Variants in CD300LD observed in about 807,000 individuals in gnomAD.
CD300LD encodes CD300 molecule like family member d.
In CD300LD, 18 loss-of-function variants were observed where a neutral mutation model predicts 20.3. That is an observed-to-expected ratio of 0.89 (90% CI 0.61 to 1.32). CD300LD has a LOEUF of 1.32. Ranked by LOEUF, CD300LD falls within the 40% of genes most tolerant of loss-of-function variation. The pLI is 0.00. For synonymous variants in CD300LD, 104 were observed against 90.1 expected (o/e 1.15, Z -0.87); for missense variants, 195 against 226.6 (o/e 0.86, Z 0.90).
intron 2 of CD300LD, among the ~76,000 whole-genome samples, chr17:74,583,410 C>T (rs1302478051): frequency 6.6e-6 from 1 of 152,240 alleles, no homozygotes; most frequent in Admixed American, 6.5e-5. Context: ...AGCAAGAAGG[C>T]AGCCACCTGC....
intron 1 of CD300LD, 45 bp downstream of exon 1, chr17:74,592,118 C>A (rs372585810): frequency 6.2e-7 from 1 of 1,614,112 alleles, no homozygotes; most frequent in Admixed American, 1.7e-5. Context: ...TGTCTCCAAG[C>A]CAGCCGCTGT....
At chr17:74,582,139 T>A (rs1052390694) in intron 3 of CD300LD, 79 bp downstream of exon 3, 3 of 1,126,900 alleles carry the variant, frequency 2.7e-6, no homozygotes, top group Non-Finnish European at 3.9e-6. Context: ...CATGCTATTG[T>A]TGTATCTGGC....
intron 1 of CD300LD, among the ~76,000 whole-genome samples, chr17:74,589,118 C>T (rs1187733315): frequency 1.3e-5 from 2 of 152,216 alleles, no homozygotes; most frequent in East Asian, 1.9e-4. Flanking sequence ...TCTCTCTTTC[C>T]CTATGGCCAG....
intron 2 of CD300LD, among the ~76,000 whole-genome samples, chr17:74,587,874 G>T (rs1233881884): frequency 6.6e-6 from 1 of 151,198 alleles, no homozygotes; most frequent in Non-Finnish European, 1.5e-5. Flanking sequence ...TGCCTAGAAA[G>T]ACTTAATCCC....
chr17:74,585,298 C>T (rs909469263), intron 2 of CD300LD, among the ~76,000 whole-genome samples: 1 of 152,050 alleles, frequency 6.6e-6, no homozygotes, highest in Non-Finnish European at 1.5e-5. Flanking sequence ...GAGTTTAGTC[C>T]GTGCTGTCCT....
At chr17:74,588,175 A>G (rs1008342792) in intron 2 of CD300LD, among the ~76,000 whole-genome samples, 68 of 152,284 alleles carry the variant, frequency 4.5e-4, no homozygotes, top group Middle Eastern at 3.4e-3. Flanking sequence ...GAGTATGCTA[A>G]GTCAGGTCTG....
chr17:74,591,137 G>T (rs1191452647), intron 1 of CD300LD, among the ~76,000 whole-genome samples: 2 of 151,794 alleles, frequency 1.3e-5, no homozygotes, highest in Admixed American at 6.6e-5. Context: ...TTTGAAGCCA[G>T]GCATGGTGGC....
intron 2 of CD300LD, among the ~76,000 whole-genome samples, chr17:74,586,442 A>C (rs1323469307): frequency 6.6e-6 from 1 of 152,110 alleles, no homozygotes; most frequent in Non-Finnish European, 1.5e-5. Context: ...CTTTGCCCTC[A>C]TTGCAATATA....
At chr17:74,592,046 G>T in intron 1 of CD300LD, 117 bp downstream of exon 1, 1 of 1,606,362 alleles carries the variant, frequency 6.2e-7, no homozygotes, top group Non-Finnish European at 8.5e-7. Context: ...TATGGGCATG[G>T]ATGGATGAAT....
intron 2 of CD300LD, among the ~76,000 whole-genome samples, chr17:74,585,835 G>T (rs958856161): frequency 6.6e-6 from 1 of 152,146 alleles, no homozygotes; most frequent in Non-Finnish European, 1.5e-5. Flanking sequence ...TGCAGACCAG[G>T]CTAGACAGAA....
At chr17:74,580,158 A>G (rs577844318) in intron 3 of CD300LD, 45 bp from the exon 4 acceptor site, 1 of 1,252,722 alleles carries the variant, frequency 8.0e-7, no homozygotes, top group East Asian at 2.5e-5. Context: ...CCTGGGTCAG[A>G]GGTCTCAGGT....
chr17:74,584,425 G>GACTGGAGGTATGACCAACACAGTAT (rs2030109861), intron 2 of CD300LD, among the ~76,000 whole-genome samples: 1 of 152,180 alleles, frequency 6.6e-6, no homozygotes, highest in Non-Finnish European at 1.5e-5. Flanking sequence ...GAGGCTATAT[G>GACTGGAGGTATGACCAACACAGTAT]AGCGAACAGA....
intron 1 of CD300LD, among the ~76,000 whole-genome samples, chr17:74,589,400 T>C (rs2030253426): frequency 6.6e-6 from 1 of 152,248 alleles, no homozygotes; most frequent in Non-Finnish European, 1.5e-5. Flanking sequence ...CATACAGTGT[T>C]ATAAATTCCA....
At chr17:74,582,362 T>C (rs1568021282) in intron 2 of CD300LD, 51 bp from the exon 3 acceptor site, 1 of 1,508,836 alleles carries the variant, frequency 6.6e-7, no homozygotes, top group Non-Finnish European at 9.2e-7. Context: ...ATGGCCCAGC[T>C]CTGGCTGTGG....
intron 2 of CD300LD, among the ~76,000 whole-genome samples, chr17:74,587,115 C>G (rs563438132): frequency 1.3e-5 from 2 of 151,872 alleles, no homozygotes; most frequent in African/African-American, 4.8e-5. Flanking sequence ...TGCCATTGCA[C>G]TCCAGCCCAG....
At chr17:74,580,833 A>AG (rs1211312361) in intron 3 of CD300LD, among the ~76,000 whole-genome samples, 2 of 151,750 alleles carry the variant, frequency 1.3e-5, no homozygotes, top group African/African-American at 2.4e-5. Context: ...TGGGAGGCCA[A>AG]GGCAGGTGGA....
chr17:74,591,419 T>A (rs2030315464), intron 1 of CD300LD, among the ~76,000 whole-genome samples: 1 of 152,028 alleles, frequency 6.6e-6, no homozygotes, highest in African/African-American at 2.4e-5. Context: ...ACACTACGTA[T>A]CAAAATTTGT....
chr17:74,591,967 T>C (rs2030330475), intron 1 of CD300LD, 196 bp downstream of exon 1: 2 of 1,476,876 alleles, frequency 1.4e-6, no homozygotes, highest in Admixed American at 4.2e-5. Context: ...TTGTTTTGTG[T>C]GTGTTTGTTT....
rs191085731 is a variant in CD300LD, at chr17:74,588,724, C to T, written c.166G>A (p.Ala56Thr). Residue 56 changes from alanine to threonine, a missense_variant, in exon 2 of 4, where the codon GCT (alanine) becomes ACT (threonine). Coordinates refer to ENST00000375352, the MANE Select transcript of CD300LD (RefSeq NM_001115152.2). Reference protein sequence around the residue: ...ETYLKWRCQGADWNYCNILVK... With the variant: ...ETYLKWRCQGTDWNYCNILVK... ...AGGATGTTACAGTAATTCCAATCAG[C>T]TCCTTGACACCGCCACTTCAAGTAG... 26 of 1,614,218 alleles carry T rather than the reference C, an allele frequency of 1.6e-5. No homozygotes were observed. In the East Asian group the frequency reaches 4.7e-4, roughly 29 times the overall value.
Sources: allele counts gnomAD v4.1 joint callset (sites outside exome capture counted in the v4.1 genomes callset), GRCh38; gene constraint gnomAD v4.1.1; transcripts MANE v1.5; gene names NCBI Gene and HGNC (gene_info 2026-07-23, HGNC 2026-07-21).